CNTNAP2: variants seen among roughly 807,000 people sequenced by gnomAD.
The protein encoded by CNTNAP2 is contactin associated protein 2, also known as contactin-associated protein-like 2.
A neutral mutation model predicts 155.2 loss-of-function variants in CNTNAP2; 98 were observed. That is an observed-to-expected ratio of 0.63 (90% CI 0.54 to 0.75). CNTNAP2 has a LOEUF of 0.75. Ranked by LOEUF, CNTNAP2 falls within the 30% of genes least tolerant of loss-of-function variation. The probability of loss-of-function intolerance (pLI) is 0.00; values close to 1 mark genes in which losing one functional copy is unlikely to be tolerated. For synonymous variants in CNTNAP2, 651 were observed against 631.2 expected (o/e 1.03, Z -0.47); for missense variants, 1,727 against 1,688.1 (o/e 1.02, Z -0.40).
intron 1 of CNTNAP2, among the ~76,000 whole-genome samples, chr7:146,316,763 T>C (rs1003187097): frequency 1.3e-5 from 2 of 152,054 alleles, no homozygotes; most frequent in African/African-American, 4.8e-5. Context: ...TTTTAATTTT[T>C]TTTTTTTTTA....
chr7:147,968,244 C>A (rs1801259725), intron 14 of CNTNAP2, among the ~76,000 whole-genome samples: 1 of 152,212 alleles, frequency 6.6e-6, no homozygotes, highest in South Asian at 2.1e-4. Context: ...GTTACAAGGG[C>A]TTTCTAAGAG....
intron 1 of CNTNAP2, among the ~76,000 whole-genome samples, chr7:146,711,471 ATATT>A (rs1402867011): frequency 6.7e-6 from 1 of 148,368 alleles, no homozygotes; most frequent in Non-Finnish European, 1.5e-5. Context: ...ATATATGAAC[ATATT>A]TATTCACTGC....
intron 15 of CNTNAP2, among the ~76,000 whole-genome samples, chr7:148,045,774 T>C (rs17170807): frequency 0.3 from 45,296 of 152,040 alleles, 7,354 homozygotes; most frequent in African/African-American, 0.41. Context: ...ATCACCCACA[T>C]AGCAGCGATA....
At chr7:147,964,058 G>A (rs545840402) in intron 14 of CNTNAP2, among the ~76,000 whole-genome samples, 2 of 152,116 alleles carry the variant, frequency 1.3e-5, no homozygotes, top group African/African-American at 2.4e-5. Context: ...TAGGTAAAAT[G>A]AGGCCACAAG....
chr7:146,910,783 A>G (rs1383984971), intron 3 of CNTNAP2, among the ~76,000 whole-genome samples: 4 of 149,062 alleles, frequency 2.7e-5, no homozygotes, highest in East Asian at 3.9e-4. Context: ...AGCAATGGCA[A>G]CAAAAGCCAA....
chr7:146,308,734 A>G (rs920326894), intron 1 of CNTNAP2, among the ~76,000 whole-genome samples: 4 of 152,126 alleles, frequency 2.6e-5, no homozygotes, highest in Non-Finnish European at 4.4e-5. Flanking sequence ...AGGACAGAAA[A>G]CCAAACACCA....
At chr7:146,920,312 G>T (rs972808163) in intron 3 of CNTNAP2, among the ~76,000 whole-genome samples, 1 of 152,012 alleles carries the variant, frequency 6.6e-6, no homozygotes, top group African/African-American at 2.4e-5. Flanking sequence ...TATTCAGGAG[G>T]TTGAGGCAGG....
At chr7:147,815,020 A>C (rs981956301) in intron 13 of CNTNAP2, among the ~76,000 whole-genome samples, 8 of 152,198 alleles carry the variant, frequency 5.3e-5, no homozygotes, top group Middle Eastern at 3.2e-3. Flanking sequence ...AGAGAGCACC[A>C]GGGGTTGGAG....
At chr7:146,240,399 C>T (rs774128909) in intron 1 of CNTNAP2, among the ~76,000 whole-genome samples, 23 of 151,918 alleles carry the variant, frequency 1.5e-4, no homozygotes, top group Non-Finnish European at 3.1e-4. Flanking sequence ...AAATTAATAC[C>T]TTGAAATAAA....
At chr7:146,474,999 ACGCGCGCGCGCGCG>A (rs549568997) in intron 1 of CNTNAP2, among the ~76,000 whole-genome samples, 5 of 138,508 alleles carry the variant, frequency 3.6e-5, no homozygotes, top group East Asian at 2.2e-4. Context: ...ACGAGCGCGC[ACGCGCGCGCGCGCG>A]CACACACACA....
intron 18 of CNTNAP2, among the ~76,000 whole-genome samples, chr7:148,186,829 A>G (rs1169725362): frequency 6.6e-6 from 1 of 152,120 alleles, no homozygotes; most frequent in Non-Finnish European, 1.5e-5. Context: ...CTTAAAACTA[A>G]TATGCTGACA....
At position 146,789,523 on chromosome 7, in the gene CNTNAP2, C is replaced by T. The variant is rs141520993; in HGVS notation, c.208+15142C>T. Among the ~76,000 whole-genome samples, 338 of 150,290 alleles carry T rather than the reference C, an allele frequency of 2.2e-3. 3 individuals carry two copies. The highest frequency in any genetic ancestry group is 7.6e-3 in the African/African-American group (311 of 40,972). On this transcript the variant is annotated intron_variant, in intron 2 of 23. Coordinates refer to ENST00000361727, the MANE Select transcript of CNTNAP2 (RefSeq NM_014141.6). ...ATTTGTTAAAAGCATATCTTTTTTTCACTATACTAAAAGCCTAGCCAAAAT... is the reference window on the plus strand; with the variant it reads ...ATTTGTTAAAAGCATATCTTTTTTTTACTATACTAAAAGCCTAGCCAAAAT...
intron 1 of CNTNAP2, among the ~76,000 whole-genome samples, chr7:146,465,441 T>TA (rs1796703952): frequency 6.6e-6 from 1 of 152,240 alleles, no homozygotes; most frequent in East Asian, 1.9e-4. Context: ...CCAGAGCTAT[T>TA]AGCAGTTCCA....
chr7:146,262,322 C>G (rs1043847716), intron 1 of CNTNAP2, among the ~76,000 whole-genome samples: 44 of 152,306 alleles, frequency 2.9e-4, no homozygotes, highest in Admixed American at 5.2e-4. Flanking sequence ...TCCTTGCCCC[C>G]CTCAATTGCA....
chr7:146,727,743 T>C (rs1801455672), intron 1 of CNTNAP2, among the ~76,000 whole-genome samples: 1 of 152,162 alleles, frequency 6.6e-6, no homozygotes, highest in African/African-American at 2.4e-5. Flanking sequence ...TATAGAAGCG[T>C]ATGTGTAATT....
rs143286960 is a variant in CNTNAP2, at chr7:147,977,898, C to T, written c.2292C>T (p.His764=). ...KDAGFLSYKD[H]LPVSQVVVGD... ...CTGGTTTCTTATCATACAAAGATCA[C>T]CTGCCAGTGAGCCAAGTGGTGGTTG... Residue 764 remains histidine, a synonymous_variant, in exon 15 of 24, where the codon CAC becomes CAT. Coordinates refer to ENST00000361727, the MANE Select transcript of CNTNAP2 (RefSeq NM_014141.6). 1.2e-4 allele frequency: 194 copies of T among 1,614,112 alleles called. No homozygotes were observed. In the African/African-American group the frequency reaches 2.4e-3, roughly 20 times the overall value.
Position 148,118,260 on chromosome 7 carries a change from G to C in CNTNAP2, c.2526G>C (p.Lys842Asn). The C allele has an allele frequency of 6.2e-7, 1 of 1,614,178 alleles. No homozygotes were observed. Among genetic ancestry groups the C allele is most frequent in the Non-Finnish European group, 8.5e-7 (1 of 1,180,028 alleles). Residue 842 changes from lysine (K) to asparagine (N), a missense_variant, in exon 16 of 24, where the codon AAG becomes AAC. Coordinates refer to ENST00000361727, the MANE Select transcript of CNTNAP2 (RefSeq NM_014141.6). ...PWGVFLENMG[K>N]EDFIKLELKS... Reference sequence around the variant, plus strand: ...GAGTGTTTCTTGAAAATATGGGAAAGGAAGATTTCATCAAGCTGGAGCTGA... The same window carrying C: ...GAGTGTTTCTTGAAAATATGGGAAACGAAGATTTCATCAAGCTGGAGCTGA...
rs1018351150 is a variant in CNTNAP2, at chr7:147,482,805, G to A, written c.1671-3130G>A. Among the ~76,000 whole-genome samples, 83 of 152,102 alleles carry A rather than the reference G, an allele frequency of 5.5e-4. 1 individual carries two copies. Among genetic ancestry groups the A allele is most frequent in the Middle Eastern group, 3.4e-3 (1 of 294 alleles). On this transcript the variant is annotated intron_variant, in intron 10 of 23. Coordinates refer to ENST00000361727, the MANE Select transcript of CNTNAP2 (RefSeq NM_014141.6). ...TCATGCCTGTAATCCCAGCACTCTGGGAGGCTGAGGTGGGTGAATCACTTG... is the reference window on the plus strand; with the variant it reads ...TCATGCCTGTAATCCCAGCACTCTGAGAGGCTGAGGTGGGTGAATCACTTG...
chr7:146,248,245 T>C (rs1312742715), intron 1 of CNTNAP2, among the ~76,000 whole-genome samples: 1 of 150,910 alleles, frequency 6.6e-6, no homozygotes, highest in Non-Finnish European at 1.5e-5. Context: ...AAGCAGGACT[T>C]GCCGCTCAGG....
Sources: allele counts gnomAD v4.1 joint callset (sites outside exome capture counted in the v4.1 genomes callset), GRCh38; gene constraint gnomAD v4.1.1; transcripts MANE v1.5; gene names NCBI Gene and HGNC (gene_info 2026-07-23, HGNC 2026-07-21).